CDH23: variants seen among roughly 807,000 people sequenced by gnomAD.
The protein encoded by CDH23 is cadherin related 23.
In CDH23, 189 loss-of-function variants were observed where a neutral mutation model predicts 317.1. The observed-to-expected ratio is 0.60, with a 90% CI of 0.53 to 0.67. The LOEUF is 0.67. CDH23 is among the 30% of genes least tolerant of loss of function. The pLI is 0.00. For synonymous variants in CDH23, 1,839 were observed against 1,876.8 expected (o/e 0.98, Z 0.52); for missense variants, 4,401 against 4,592.4 (o/e 0.96, Z 1.20).
intron 9 of CDH23, among the ~76,000 whole-genome samples, chr10:71,579,916 C>A (rs1190216263): frequency 1.3e-5 from 2 of 152,160 alleles, no homozygotes; most frequent in Non-Finnish European, 2.9e-5. Flanking sequence ...GAAGGGGGTG[C>A]TGGGCTGGGC....
At chr10:71,720,914 G>A (rs562093162) in intron 28 of CDH23, among the ~76,000 whole-genome samples, 1 of 152,242 alleles carries the variant, frequency 6.6e-6, no homozygotes, top group Non-Finnish European at 1.5e-5. Flanking sequence ...GGGGCAGGCA[G>A]TAGGCATCCA....
In CDH23 at chr10:71,785,750, G is replaced by A. The variant is rs749365664; in HGVS notation, c.5820+12G>A. ...GCATAGCCAGGAGGGTGAGACTGGA[G>A]GGCACTGGTGGGAGTGGGCTGGGAG... On this transcript the variant is annotated intron_variant, in intron 44 of 69. Coordinates refer to ENST00000224721, the MANE Select transcript of CDH23 (RefSeq NM_022124.6). 3 of 1,516,790 alleles carry A rather than the reference G, an allele frequency of 2.0e-6. No individual in the cohort carries two copies. Among genetic ancestry groups the A allele is most frequent in the Non-Finnish European group, 2.7e-6 (3 of 1,101,550 alleles). 94.0% of individuals were successfully genotyped at this position (1,516,790 alleles called of 1,614,324 possible). A position where few individuals can be genotyped will look rare whatever the true frequency, so the allele number is the denominator to read the frequency against.
chr10:71,588,394 C>T (rs1859230337), intron 9 of CDH23, among the ~76,000 whole-genome samples: 1 of 152,068 alleles, frequency 6.6e-6, no homozygotes, highest in Non-Finnish European at 1.5e-5. Flanking sequence ...TCAGTTTCTT[C>T]ATCTGTGAAA....
In CDH23 at chr10:71,590,875, A is replaced by AAAAAAAAAC. The variant is rs1198061452; in HGVS notation, c.832+12891_832+12892insCAAAAAAAA. 1.1e-4 allele frequency among the ~76,000 whole-genome samples: 9 copies of AAAAAAAAAC among 78,880 alleles called. 1 individual carries two copies. Among genetic ancestry groups the AAAAAAAAAC allele is most frequent in the Non-Finnish European group, 2.3e-4 (9 of 38,316 alleles). The allele number at this position is 78,880 out of a possible 152,430, so 51.7% of individuals were successfully genotyped here. A position where few individuals can be genotyped will look rare whatever the true frequency, so the allele number is the denominator to read the frequency against. ...GCAACAGAGTGAGACCCTGTCTCTA[A>AAAAAAAAAC]AAAAAAAAAAACAAAAAAAAACAAA... On this transcript the variant is annotated intron_variant, in intron 9 of 69. Transcript: ENST00000224721.
chr10:71,688,635 GTGGAGTCAGGGATGA>G (rs1471518238), intron 19 of CDH23, among the ~76,000 whole-genome samples: 82 of 143,730 alleles, frequency 5.7e-4, no homozygotes, highest in Non-Finnish European at 9.3e-4. Context: ...GCCAGGGGTG[GTGGAGTCAGGGATGA>G]TGGAGCCAGG....
At chr10:71,523,470 A>G (rs1375681782) in intron 6 of CDH23, among the ~76,000 whole-genome samples, 2 of 152,234 alleles carry the variant, frequency 1.3e-5, no homozygotes, top group African/African-American at 4.8e-5. Flanking sequence ...ATGGAGGGAA[A>G]TGCAATAGCA....
chr10:71,538,052 A>G (rs1855796695), intron 6 of CDH23, among the ~76,000 whole-genome samples: 1 of 152,128 alleles, frequency 6.6e-6, no homozygotes, highest in Non-Finnish European at 1.5e-5. Context: ...CATTTTACAG[A>G]TGGGAGTCAC....
chr10:71,813,259 G>T lies in CDH23; in HGVS notation c.9649G>T (p.Val3217Leu), dbSNP rs2133009745. The change falls in exon 69 of 70, where the codon GTG becomes TTG. Residue 3217 changes from valine (V) to leucine (L), a missense_variant. By Grantham distance (32) the Val-to-Leu change is conservative. Transcript: ENST00000224721. Reference protein sequence around the residue: ...EGPIKGSLLKVVLEDYLRLKK... With the variant: ...EGPIKGSLLKLVLEDYLRLKK... ...CCTCCCCCAGGGCTCGCTGCTGAAGGTGGTCCTGGAGGATTACCTGCGGCT... is the reference window on the plus strand; with the variant it reads ...CCTCCCCCAGGGCTCGCTGCTGAAGTTGGTCCTGGAGGATTACCTGCGGCT... 1 of 1,551,644 alleles carries T rather than the reference G, an allele frequency of 6.4e-7. No individual in the cohort carries two copies. Among genetic ancestry groups the T allele is most frequent in the Non-Finnish European group, 8.7e-7 (1 of 1,146,980 alleles).
chr10:71,435,726 A>G (rs1849586623), intron 1 of CDH23, among the ~76,000 whole-genome samples: 1 of 152,156 alleles, frequency 6.6e-6, no homozygotes, highest in Non-Finnish European at 1.5e-5. Context: ...AGGATGGTGG[A>G]GGAAGCCACT....
intron 1 of CDH23, among the ~76,000 whole-genome samples, chr10:71,423,117 T>C (rs982718673): frequency 3.9e-5 from 6 of 152,296 alleles, no homozygotes; most frequent in Admixed American, 1.3e-4. Context: ...CAGGGTGAAA[T>C]AGGCATGCCC....
chr10:71,432,416 A>AGT (rs386371777), intron 1 of CDH23, among the ~76,000 whole-genome samples: 2 of 121,204 alleles, frequency 1.7e-5, no homozygotes, highest in Non-Finnish European at 3.6e-5. Context: ...TGTGTGTGTG[A>AGT]GTGTGTGGGT....
chr10:71,686,170 G>A (rs114926285), intron 18 of CDH23, among the ~76,000 whole-genome samples: 2,486 of 152,144 alleles, frequency 0.016, 76 homozygotes, highest in African/African-American at 0.057. Flanking sequence ...CGAATGCAGC[G>A]CCAAGATCCG....
Position 71,718,179 on chromosome 10 carries a change from AGAT to A in CDH23, c.3369+5368_3369+5370del, listed in dbSNP as rs1342867507. On this transcript the variant is annotated intron_variant, in intron 28 of 69. Coordinates refer to ENST00000224721, the MANE Select transcript of CDH23 (RefSeq NM_022124.6). ...TAGCACGGAAGCTCAGGAGGAGGAA[AGAT>A]GTCAGGTCACGCTCAGAGAAACCCT... Among the ~76,000 whole-genome samples, 7 of 152,324 alleles carry A rather than the reference AGAT, an allele frequency of 4.6e-5. No homozygotes were observed. The East Asian group carries it at 1.3e-3, about 29-fold the overall frequency.
rs1847603036 is a variant in CDH23, at chr10:71,397,999, C to T, written c.-6+681C>T. 6.6e-6 allele frequency among the ~76,000 whole-genome samples: 1 copy of T among 152,240 alleles called. No individual in the cohort carries two copies. The highest frequency in any genetic ancestry group is 1.5e-5 in the Non-Finnish European group (1 of 68,040). The stretch of plus-strand genomic sequence containing the variant: ...GTCCGCTACGAGCGGTGCTGGCTGC[C>T]CCCAGGAGCTGGCACCCGGGAGCAC... On this transcript the variant is annotated intron_variant, in intron 1 of 69. Coordinates refer to ENST00000224721, the MANE Select transcript of CDH23 (RefSeq NM_022124.6). This position sits in a 1 kb window ranked among gnomAD's most constrained non-coding sequence, Gnocchi z 4.8.
chr10:71,415,131 G>A (rs1848484378), intron 1 of CDH23, among the ~76,000 whole-genome samples: 1 of 151,766 alleles, frequency 6.6e-6, no homozygotes, highest in Non-Finnish European at 1.5e-5. Context: ...TTATTTTTTA[G>A]ATAGGGTCTC....
At chr10:71,425,253 G>C (rs1849011529) in intron 1 of CDH23, among the ~76,000 whole-genome samples, 1 of 143,040 alleles carries the variant, frequency 7.0e-6, no homozygotes, top group Non-Finnish European at 1.5e-5. Flanking sequence ...GAGAGAGAGA[G>C]AGAGAGAGAG....
At chr10:71,578,577 A>T (rs10823791) in intron 9 of CDH23, among the ~76,000 whole-genome samples, 60,199 of 151,878 alleles carry the variant, frequency 0.4, 12,118 homozygotes, top group African/African-American at 0.45. Context: ...GTTCCGGGTG[A>T]TGGGATCCCT....
Position 71,799,291 on chromosome 10 carries a change from A to T in CDH23, c.7224+11A>T. ...CAGCCCTCCTACCAGGTGGGTGGCCAGGCCACAGGCTGGGTCCAGGACCTG... is the reference window on the plus strand; with the variant it reads ...CAGCCCTCCTACCAGGTGGGTGGCCTGGCCACAGGCTGGGTCCAGGACCTG... On this transcript the variant is annotated intron_variant, in intron 51 of 69. Coordinates refer to ENST00000224721, the MANE Select transcript of CDH23 (RefSeq NM_022124.6). 6.2e-7 allele frequency: 1 copy of T among 1,614,016 alleles called. No homozygotes were observed. Among genetic ancestry groups the T allele is most frequent in the Non-Finnish European group, 8.5e-7 (1 of 1,179,860 alleles).
At chr10:71,517,166 G>T (rs189844436) in intron 6 of CDH23, among the ~76,000 whole-genome samples, 1 of 152,214 alleles carries the variant, frequency 6.6e-6, no homozygotes, top group Non-Finnish European at 1.5e-5. Flanking sequence ...TACTTTGCTC[G>T]GCCAGCTGGT....
Sources: allele counts gnomAD v4.1 joint callset (sites outside exome capture counted in the v4.1 genomes callset), GRCh38; gene constraint gnomAD v4.1.1; non-coding constraint Gnocchi (gnomAD v3.1); transcripts MANE v1.5; gene names NCBI Gene and HGNC (gene_info 2026-07-23, HGNC 2026-07-21).